Variants in CDH18 observed in about 807,000 individuals in gnomAD.
CDH18 encodes cadherin 18, also known as cadherin-18.
CDH18 carries 31 observed loss-of-function variants against 67.9 expected under a neutral mutation model. That is an observed-to-expected ratio of 0.46 (90% confidence interval 0.34 to 0.62). CDH18 has a LOEUF of 0.62. CDH18 is among the 20% of genes least tolerant of loss of function. The probability of loss-of-function intolerance (pLI) is 0.01; values close to 1 mark genes in which losing one functional copy is unlikely to be tolerated. For missense variants in CDH18, 890 were observed against 975.5 expected (o/e 0.91, Z 1.17); for synonymous variants, 362 against 347.2 (o/e 1.04, Z -0.48).
intron 1 of CDH18, among the ~76,000 whole-genome samples, chr5:20,559,586 G>T (rs1358535295): frequency 6.6e-6 from 1 of 151,962 alleles, no homozygotes; most frequent in Non-Finnish European, 1.5e-5. Flanking sequence ...AAGAACAGCT[G>T]TTATGATTTT....
rs35307428 is a variant in CDH18 at position 19,566,022 on chromosome 5, G to GA, written c.1253+5556dup. ...TAATTGAAGCTCAAACAAATCTATA[G>GA]AAAAAAAAAATCTAATAATCTGAAT... On this transcript the variant is annotated intron_variant, in intron 8 of 12. Transcript: ENST00000382275. 7.6e-3 allele frequency among the ~76,000 whole-genome samples: 1,121 copies of GA among 148,364 alleles called. 9 individuals are homozygous for GA. Among genetic ancestry groups the GA allele is most frequent in the Non-Finnish European group, 0.012 (783 of 66,884 alleles).
At position 19,838,946 on chromosome 5, in the gene CDH18, ACTAGGACTGGACAGATGCAAGATGTG is replaced by A; in HGVS notation, c.15_40del (p.Thr6ValfsTer28). 2.5e-6 allele frequency: 4 copies of A among 1,614,090 alleles called. No individual in the cohort carries two copies. The highest frequency in any genetic ancestry group is 3.4e-6 in the Non-Finnish European group (4 of 1,179,932). On this transcript the variant is annotated frameshift_variant, in exon 3 of 13. Coordinates refer to ENST00000382275, the MANE Select transcript of CDH18 (RefSeq NM_004934.5). LOFTEE classifies it high-confidence loss of function. ...ACACCTCTGCACAAAACAGAGACAC[ACTAGGACTGGACAGATGCAAGATGTG>A]CTAGTAATTTTCATTGTAAGATAAC...
intron 2 of CDH18, among the ~76,000 whole-genome samples, chr5:20,018,944 G>A (rs1409233362): frequency 5.3e-5 from 8 of 150,084 alleles, no homozygotes; most frequent in African/African-American, 9.9e-5. Flanking sequence ...ACAGGCGCGC[G>A]CCACCATGCC....
At chr5:20,354,301 A>C (rs980251438) in intron 1 of CDH18, among the ~76,000 whole-genome samples, 2 of 152,202 alleles carry the variant, frequency 1.3e-5, no homozygotes, top group Admixed American at 1.3e-4. Context: ...TACTTGAAAC[A>C]TTTTTTAACA....
chr5:20,120,331 G>T (rs1330089623), intron 2 of CDH18, among the ~76,000 whole-genome samples: 3 of 152,084 alleles, frequency 2.0e-5, no homozygotes, highest in Non-Finnish European at 1.5e-5. Context: ...CTTACTGTTT[G>T]CCAGGCTTTA....
intron 2 of CDH18, among the ~76,000 whole-genome samples, chr5:20,027,710 A>G (rs1358712215): frequency 1.3e-5 from 2 of 152,184 alleles, no homozygotes; most frequent in African/African-American, 4.8e-5. Context: ...ATGCAACTTA[A>G]CTTCCCTCTT....
chr5:20,282,971 A>C (rs1394227348), intron 1 of CDH18, among the ~76,000 whole-genome samples: 1 of 152,146 alleles, frequency 6.6e-6, no homozygotes, highest in Non-Finnish European at 1.5e-5. Context: ...CCGTACATCT[A>C]CAGTGAACTT....
At position 19,874,640 on chromosome 5, in the gene CDH18, A is replaced by G. The variant is rs550176035; in HGVS notation, c.-256-35398T>C. On this transcript the variant is annotated intron_variant, in intron 2 of 12. Transcript: ENST00000382275. ...GTAGAAAATGACTTTAATACATTTT[A>G]GAAAAATAAAGAATGGATTTAAAGA... 8.5e-5 allele frequency among the ~76,000 whole-genome samples: 13 copies of G among 152,322 alleles called. No homozygotes were observed. In the South Asian group the frequency reaches 2.7e-3, roughly 32 times the overall value.
At chr5:20,574,188 A>G (rs1427455945) in intron 1 of CDH18, among the ~76,000 whole-genome samples, 1 of 151,688 alleles carries the variant, frequency 6.6e-6, no homozygotes, top group Non-Finnish European at 1.5e-5. Flanking sequence ...GACAAAATGA[A>G]CGTCATAAAA....
chr5:20,295,050 T>A (rs975358445), intron 1 of CDH18, among the ~76,000 whole-genome samples: 18 of 152,148 alleles, frequency 1.2e-4, no homozygotes, highest in African/African-American at 4.3e-4. Context: ...AATAAAAGTA[T>A]AATAATTTAA....
chr5:19,480,017 C>A (rs1232828645), intron 12 of CDH18, among the ~76,000 whole-genome samples: 1 of 152,076 alleles, frequency 6.6e-6, no homozygotes, highest in African/African-American at 2.4e-5. Flanking sequence ...TGTACCTAGA[C>A]ATTTAACACA....
At chr5:20,389,077 A>C (rs962032635) in intron 1 of CDH18, among the ~76,000 whole-genome samples, 1 of 152,016 alleles carries the variant, frequency 6.6e-6, no homozygotes, top group Non-Finnish European at 1.5e-5. Context: ...TCTGCTTGGT[A>C]CAGAGCTGAG....
At chr5:19,526,429 T>C (rs1022808066) in intron 9 of CDH18, among the ~76,000 whole-genome samples, 1 of 152,122 alleles carries the variant, frequency 6.6e-6, no homozygotes, top group Non-Finnish European at 1.5e-5. Flanking sequence ...ATGTAGAAGA[T>C]CTTTTATAAC....
At chr5:20,061,523 T>C (rs1422054439) in intron 2 of CDH18, among the ~76,000 whole-genome samples, 1 of 152,182 alleles carries the variant, frequency 6.6e-6, no homozygotes, top group Non-Finnish European at 1.5e-5. Context: ...CCTTCTTAAA[T>C]GAACTTGTTT....
At chr5:20,015,579 A>G (rs1485036883) in intron 2 of CDH18, among the ~76,000 whole-genome samples, 1 of 152,146 alleles carries the variant, frequency 6.6e-6, no homozygotes, top group Non-Finnish European at 1.5e-5. Flanking sequence ...TAATACATAA[A>G]TGTTCATTTT....
At position 20,376,157 on chromosome 5, in the gene CDH18, G is replaced by A. The variant is rs190942441; in HGVS notation, c.-579-120652C>T. On this transcript the variant is annotated intron_variant, in intron 1 of 14. Transcript: ENST00000507958. ...CACCCAGGCTGGAGTGCGGTGGCGCGATCTCGGCTCACTGCAGGCTCCGCC... is the reference window on the plus strand; with the variant it reads ...CACCCAGGCTGGAGTGCGGTGGCGCAATCTCGGCTCACTGCAGGCTCCGCC... Among the ~76,000 whole-genome samples, 220 of 128,462 alleles carry A rather than the reference G, an allele frequency of 1.7e-3. 3 individuals are homozygous for A. Among genetic ancestry groups the A allele is most frequent in the Admixed American group, 0.015 (150 of 10,066 alleles). 84.3% of individuals were successfully genotyped at this position (128,462 alleles called of 152,430 possible). A position where few individuals can be genotyped will look rare whatever the true frequency, so the allele number is the denominator to read the frequency against.
At chr5:19,922,940 T>C (rs1177168544) in intron 2 of CDH18, among the ~76,000 whole-genome samples, 1 of 152,162 alleles carries the variant, frequency 6.6e-6, no homozygotes, top group Non-Finnish European at 1.5e-5. Flanking sequence ...CTCTCAAATA[T>C]CCTTTTTAAA....
intron 1 of CDH18, among the ~76,000 whole-genome samples, chr5:20,487,459 A>G (rs977145232): frequency 6.6e-5 from 10 of 150,510 alleles, no homozygotes; most frequent in African/African-American, 2.2e-4. Flanking sequence ...CAATATATTT[A>G]CTGTATAGGT....
At chr5:20,319,865 C>T (rs1328773562) in intron 1 of CDH18, among the ~76,000 whole-genome samples, 1 of 152,310 alleles carries the variant, frequency 6.6e-6, no homozygotes, top group Middle Eastern at 3.4e-3. Context: ...AGCTCCGTCT[C>T]CCACTCCTGG....
Sources: allele counts gnomAD v4.1 joint callset (sites outside exome capture counted in the v4.1 genomes callset), GRCh38; gene constraint gnomAD v4.1.1; transcripts MANE v1.5; gene names NCBI Gene and HGNC (gene_info 2026-07-23, HGNC 2026-07-21).